Variants in ROBO2 observed in about 807,000 individuals in gnomAD.
The protein encoded by ROBO2 is roundabout homolog 2.
A neutral mutation model predicts 160.8 loss-of-function variants in ROBO2; 53 were observed. The observed-to-expected ratio is 0.33, with a 90% CI of 0.26 to 0.41. The LOEUF (loss-of-function observed/expected upper bound fraction) is 0.41, where lower values mean the gene tolerates loss of function less well. Ranked by LOEUF, ROBO2 falls within the 10% of genes least tolerant of loss-of-function variation. The pLI, the probability that ROBO2 is intolerant of heterozygous loss-of-function variation, is 1.00. For synonymous variants in ROBO2, 664 were observed against 611.7 expected (o/e 1.09, Z -1.26); for missense variants, 1,577 against 1,722.4 (o/e 0.92, Z 1.49).
At chr3:76,726,066 C>G (rs2093547624) in intron 2 of ROBO2, among the ~76,000 whole-genome samples, 1 of 152,176 alleles carries the variant, frequency 6.6e-6, no homozygotes, top group African/African-American at 2.4e-5. Context: ...GCTAACATCA[C>G]ACGCGCATAC....
chr3:76,169,668 T>C (rs1040057262), intron 2 of ROBO2, among the ~76,000 whole-genome samples: 1 of 152,176 alleles, frequency 6.6e-6, no homozygotes, highest in Admixed American at 6.5e-5. Flanking sequence ...TAAATAATCA[T>C]TGATAATAAA....
chr3:77,641,819 G>C (rs2095354937), intron 24 of ROBO2, among the ~76,000 whole-genome samples: 1 of 151,998 alleles, frequency 6.6e-6, no homozygotes, highest in African/African-American at 2.4e-5. Context: ...AAAATATAAA[G>C]GTATTATGAT....
intron 2 of ROBO2, among the ~76,000 whole-genome samples, chr3:75,941,536 A>G (rs1576233250): frequency 6.6e-6 from 1 of 152,300 alleles, no homozygotes; most frequent in East Asian, 1.9e-4. Context: ...TTACATGCTT[A>G]AATTCCTAAT....
exon 15 of ROBO2, chr3:77,577,490 C>A: frequency 6.2e-7 from 1 of 1,613,288 alleles, no homozygotes; most frequent in Non-Finnish European, 8.5e-7. Flanking sequence ...TCCTCTACAG[C>A]CCCAAGTGCC....
chr3:76,542,516 A>G (rs2082875326), intron 2 of ROBO2, among the ~76,000 whole-genome samples: 1 of 152,118 alleles, frequency 6.6e-6, no homozygotes, highest in African/African-American at 2.4e-5. Context: ...GATCTTAGGT[A>G]TGGATGTTTT....
At chr3:77,061,909 T>G (rs1578631921) in intron 1 of ROBO2, among the ~76,000 whole-genome samples, 1 of 152,202 alleles carries the variant, frequency 6.6e-6, no homozygotes, top group East Asian at 1.9e-4. Flanking sequence ...AAAGCAGACC[T>G]GGTTGATCTG....
chr3:76,492,717 T>G (rs1044264006), intron 2 of ROBO2, among the ~76,000 whole-genome samples: 11 of 152,174 alleles, frequency 7.2e-5, no homozygotes, highest in African/African-American at 2.7e-4. Flanking sequence ...ATACAGCTTT[T>G]TTTTTAGAGT....
At chr3:76,823,440 CA>C (rs1465072637) in intron 2 of ROBO2, among the ~76,000 whole-genome samples, 2 of 152,042 alleles carry the variant, frequency 1.3e-5, no homozygotes, top group Non-Finnish European at 2.9e-5. Flanking sequence ...AAATTAAATA[CA>C]AAGGATAAAA....
intron 24 of ROBO2, among the ~76,000 whole-genome samples, chr3:77,637,587 C>T (rs187977548): frequency 5.3e-5 from 8 of 152,186 alleles, no homozygotes; most frequent in East Asian, 3.9e-4. Context: ...TAAAACTATT[C>T]GTAGTGTTCA....
At chr3:77,389,700 C>G (rs2074511322) in intron 2 of ROBO2, among the ~76,000 whole-genome samples, 1 of 150,410 alleles carries the variant, frequency 6.6e-6, no homozygotes, top group African/African-American at 2.4e-5. Flanking sequence ...GTCTTTCTCC[C>G]TTTTTTATTT....
chr3:77,458,163 T>C (rs1300732831), intron 2 of ROBO2, among the ~76,000 whole-genome samples: 1 of 152,174 alleles, frequency 6.6e-6, no homozygotes, highest in Non-Finnish European at 1.5e-5. Flanking sequence ...CCAAATGGCA[T>C]AGCTGTTAAG....
chr3:76,805,413 GA>G (rs1243350296), intron 2 of ROBO2, among the ~76,000 whole-genome samples: 1 of 151,734 alleles, frequency 6.6e-6, no homozygotes, highest in African/African-American at 2.4e-5. Context: ...AAAACATCTT[GA>G]AAAGGAAGCT....
At chr3:76,364,115 C>G (rs1305749183) in intron 2 of ROBO2, among the ~76,000 whole-genome samples, 2 of 152,208 alleles carry the variant, frequency 1.3e-5, no homozygotes, top group East Asian at 1.9e-4. Context: ...GCTATGCCAG[C>G]TTTCTTCATG....
At chr3:77,572,425 A>G (rs577015061) in intron 13 of ROBO2, among the ~76,000 whole-genome samples, 4 of 151,930 alleles carry the variant, frequency 2.6e-5, no homozygotes, top group Non-Finnish European at 5.9e-5. Context: ...AATGTATCCA[A>G]TGGTAGAAAC....
intron 1 of ROBO2, among the ~76,000 whole-genome samples, chr3:77,066,712 T>C (rs2066884844): frequency 6.6e-6 from 1 of 152,124 alleles, no homozygotes; most frequent in Admixed American, 6.6e-5. Flanking sequence ...ATTTTTGGTT[T>C]TAAACACTTT....
At chr3:77,505,053 G>T (rs1290547165) in intron 5 of ROBO2, among the ~76,000 whole-genome samples, 1 of 152,188 alleles carries the variant, frequency 6.6e-6, no homozygotes, top group Admixed American at 6.5e-5. Context: ...AGGCCACAAA[G>T]GTTAGTTGTG....
chr3:77,457,606 A>G (rs2081809285), intron 2 of ROBO2, among the ~76,000 whole-genome samples: 1 of 152,142 alleles, frequency 6.6e-6, no homozygotes, highest in African/African-American at 2.4e-5. Flanking sequence ...AACAGGGATC[A>G]CTTTCTTTTG....
chr3:76,652,024 C>A (rs1490638891), intron 2 of ROBO2, among the ~76,000 whole-genome samples: 1 of 152,092 alleles, frequency 6.6e-6, no homozygotes, highest in Admixed American at 6.6e-5. Context: ...TCTTACAGAC[C>A]AGCAGCAAGA....
intron 2 of ROBO2, among the ~76,000 whole-genome samples, chr3:77,433,974 G>T (rs1008608393): frequency 1.3e-5 from 2 of 152,016 alleles, no homozygotes; most frequent in Non-Finnish European, 2.9e-5. Flanking sequence ...CAAAGCAGCC[G>T]CATTTCTCCC....
Sources: gnomAD v4.1 joint callset for allele counts (sites outside exome capture counted in the v4.1 genomes callset) on GRCh38, gnomAD v4.1.1 for gene constraint, MANE v1.5 for transcripts, NCBI Gene and HGNC (gene_info 2026-07-23, HGNC 2026-07-21) for gene names.